SLCO1A2: variants seen among roughly 807,000 people sequenced by gnomAD.
The protein encoded by SLCO1A2 is solute carrier organic anion transporter family member 1A2, also known as OATP-1.
Under a neutral mutation model 69.0 loss-of-function variants are expected in SLCO1A2, and 67 were observed. That is an observed-to-expected ratio of 0.97 (90% CI 0.80 to 1.19). The LOEUF (loss-of-function observed/expected upper bound fraction) is 1.19. Ranked by LOEUF, SLCO1A2 falls within the 50% of genes most tolerant of loss-of-function variation. SLCO1A2 has a pLI of 0.00. For missense variants in SLCO1A2, 787 were observed against 793.7 expected, an observed-to-expected ratio of 0.99 and a Z score of 0.10; for synonymous variants, 260 against 265.9, an observed-to-expected ratio of 0.98 and a Z score of 0.22.
chr12:21,317,451 C>T (rs906400180), intron 3 of SLCO1A2, among the ~76,000 whole-genome samples: 8 of 152,100 alleles, frequency 5.3e-5, no homozygotes, highest in African/African-American at 1.4e-4. Context: ...AGCTATCCTC[C>T]GAGAGTCTGG....
Position 21,354,725 on chromosome 12 carries a change from A to G in SLCO1A2, c.-63+19674T>C, listed in dbSNP as rs182705921. Among the ~76,000 whole-genome samples, 8 of 152,078 alleles carry G rather than the reference A, an allele frequency of 5.3e-5. No homozygotes were observed. The East Asian group carries it at 1.5e-3, about 29-fold the overall frequency. ...TGTTTTTTAGCCTTCATCCTATGTT[A>G]TTTATCTTTATCATGTAACACTCAT... On this transcript the variant is annotated intron_variant, in intron 2 of 15. Coordinates refer to the SLCO1A2 transcript ENST00000307378.
chr12:21,400,627 CA>C (rs1372850073), intron 1 of SLCO1A2, among the ~76,000 whole-genome samples: 1 of 150,892 alleles, frequency 6.6e-6, no homozygotes, highest in East Asian at 1.9e-4. Flanking sequence ...GGAACCAACC[CA>C]AATGTCCAAC....
intron 2 of SLCO1A2, among the ~76,000 whole-genome samples, chr12:21,361,764 C>G (rs1161264415): frequency 6.6e-6 from 1 of 151,954 alleles, no homozygotes; most frequent in African/African-American, 2.4e-5. Flanking sequence ...GCTTCAGTAG[C>G]CGATTTGATC....
upstream of SLCO1A2, among the ~76,000 whole-genome samples, chr12:21,335,217 C>A (rs1952841293): frequency 6.6e-6 from 1 of 151,902 alleles, no homozygotes; most frequent in South Asian, 2.1e-4. Flanking sequence ...TTCTGGGGCA[C>A]TGCTGATACA....
At chr12:21,313,280 T>C (rs1451428289) in intron 4 of SLCO1A2, among the ~76,000 whole-genome samples, 3 of 152,142 alleles carry the variant, frequency 2.0e-5, no homozygotes, top group African/African-American at 7.2e-5. Flanking sequence ...GTTGGAAAAA[T>C]GATTCTAATC....
chr12:21,398,966 A>G (rs1941586101), upstream of SLCO1A2, among the ~76,000 whole-genome samples: 1 of 150,698 alleles, frequency 6.6e-6, no homozygotes, highest in Admixed American at 6.6e-5. Flanking sequence ...AACTGGCACA[A>G]GACAGGGATG....
chr12:21,299,072 G>A (rs574679662), intron 8 of SLCO1A2, among the ~76,000 whole-genome samples: 11,122 of 152,018 alleles, frequency 0.073, 1,303 homozygotes, highest in African/African-American at 0.25. Context: ...CAATTCTATA[G>A]TAAGTACTAT....
At chr12:21,287,523 A>G (rs1591794448) in intron 12 of SLCO1A2, among the ~76,000 whole-genome samples, 1 of 145,790 alleles carries the variant, frequency 6.9e-6, no homozygotes, top group East Asian at 2.0e-4. Context: ...ATATACCCAA[A>G]CGACTATAAA....
chr12:21,382,526 G>A (rs573584735), intron 1 of SLCO1A2, among the ~76,000 whole-genome samples: 6 of 152,102 alleles, frequency 3.9e-5, no homozygotes, highest in South Asian at 4.2e-4. Flanking sequence ...TGGCTGATGC[G>A]GTGGTTCACA....
chr12:21,400,160 G>C (rs1941639288), upstream of SLCO1A2, among the ~76,000 whole-genome samples: 1 of 152,068 alleles, frequency 6.6e-6, no homozygotes, highest in South Asian at 2.1e-4. Context: ...AATCTACAAT[G>C]GGCTCAAACA....
chr12:21,343,638 C>G (rs1953149504), intron 2 of SLCO1A2, among the ~76,000 whole-genome samples: 1 of 152,024 alleles, frequency 6.6e-6, no homozygotes, highest in Non-Finnish European at 1.5e-5. Flanking sequence ...TTAGATATCC[C>G]TTGAGTACCT....
intron 2 of SLCO1A2, among the ~76,000 whole-genome samples, chr12:21,360,510 C>T (rs1343711143): frequency 2.6e-5 from 4 of 152,202 alleles, no homozygotes; most frequent in Admixed American, 2.0e-4. Flanking sequence ...GTGATTTCTG[C>T]ATTTCCAACT....
At chr12:21,332,992 G>T (rs556107091) in intron 2 of SLCO1A2, among the ~76,000 whole-genome samples, 1 of 152,002 alleles carries the variant, frequency 6.6e-6, no homozygotes, top group African/African-American at 2.4e-5. Flanking sequence ...AATCAAAACT[G>T]ATTGACTACA....
At chr12:21,389,403 A>G (rs1318795141) in intron 1 of SLCO1A2, among the ~76,000 whole-genome samples, 3 of 152,110 alleles carry the variant, frequency 2.0e-5, no homozygotes, top group African/African-American at 4.8e-5. Flanking sequence ...TTATGCAGAT[A>G]AGACATATTA....
intron 2 of SLCO1A2, chr12:21,373,482 A>T: frequency 8.0e-7 from 1 of 1,246,618 alleles, no homozygotes; most frequent in African/African-American, 1.5e-5. Flanking sequence ...AAGTGTGAGA[A>T]AATTAGAATT....
intron 2 of SLCO1A2, among the ~76,000 whole-genome samples, chr12:21,328,178 A>G (rs1440271638): frequency 6.6e-6 from 1 of 152,086 alleles, no homozygotes; most frequent in Non-Finnish European, 1.5e-5. Flanking sequence ...AACCATGTGG[A>G]ACTGTGAGTC....
chr12:21,347,987 T>C (rs188160959), intron 2 of SLCO1A2, among the ~76,000 whole-genome samples: 4 of 152,354 alleles, frequency 2.6e-5, no homozygotes, highest in South Asian at 2.1e-4. Flanking sequence ...CATTGTGCTA[T>C]GCTTTCTTCA....
chr12:21,270,096 T>A (rs747452106), intron 14 of SLCO1A2, among the ~76,000 whole-genome samples: 1 of 151,892 alleles, frequency 6.6e-6, no homozygotes, highest in South Asian at 2.1e-4. Flanking sequence ...TTTATTCTAG[T>A]ATTTAGTAAG....
At chr12:21,328,616 C>T (rs1341857046) in intron 2 of SLCO1A2, among the ~76,000 whole-genome samples, 1 of 152,132 alleles carries the variant, frequency 6.6e-6, no homozygotes, top group Non-Finnish European at 1.5e-5. Flanking sequence ...CCACCCTGCC[C>T]TACAATACCA....
Sources: allele counts gnomAD v4.1 joint callset (sites outside exome capture counted in the v4.1 genomes callset), GRCh38; gene constraint gnomAD v4.1.1; transcripts MANE v1.5; gene names NCBI Gene and HGNC (gene_info 2026-07-23, HGNC 2026-07-21).